CACNA1D: variants seen among roughly 807,000 people sequenced by gnomAD.
CACNA1D encodes calcium voltage-gated channel subunit alpha1 D.
A neutral mutation model predicts 257.1 loss-of-function variants in CACNA1D; 55 were observed. That is an observed-to-expected ratio of 0.21 (90% CI 0.17 to 0.27). The LOEUF (loss-of-function observed/expected upper bound fraction) is 0.27, where lower values mean the gene tolerates loss of function less well. Ranked by LOEUF, CACNA1D falls within the 10% of genes least tolerant of loss-of-function variation. The pLI is 1.00. For missense variants in CACNA1D, 1,876 were observed against 2,784.0 expected (o/e 0.67, Z 7.34); for synonymous variants, 980 against 1,014.9 (o/e 0.97, Z 0.65).
At chr3:53,517,002 C>G (rs540646235) in intron 3 of CACNA1D, among the ~76,000 whole-genome samples, 1 of 152,164 alleles carries the variant, frequency 6.6e-6, no homozygotes. Context: ...GCTTTGAGTC[C>G]CTGCTCTGTA....
chr3:53,593,725 C>T (rs1231079357), intron 3 of CACNA1D, among the ~76,000 whole-genome samples: 2 of 152,150 alleles, frequency 1.3e-5, no homozygotes, highest in Non-Finnish European at 1.5e-5. Context: ...CCAAGGCCAC[C>T]CAAGGAGCTG....
chr3:53,658,844 T>C (rs2094174513), intron 4 of CACNA1D, among the ~76,000 whole-genome samples: 1 of 152,218 alleles, frequency 6.6e-6, no homozygotes, highest in Non-Finnish European at 1.5e-5. Context: ...CCGGGCTTGT[T>C]TTCCCTCCTG....
rs2094190642 is a variant in CACNA1D, at chr3:53,660,287, T to C, written c.766+12T>C. 6 of 1,613,636 alleles carry C rather than the reference T, an allele frequency of 3.7e-6. No individual in the cohort carries two copies. The highest frequency in any genetic ancestry group is 1.7e-4 in the Middle Eastern group (1 of 6,016). ...GTCAGGAGTGCCCAGTAAGCACTTA[T>C]TGTTTCCTAGAGTCAGGAGTGTGCT... On this transcript the variant is annotated intron_variant, in intron 5 of 47. Transcript: ENST00000350061.
intron 3 of CACNA1D, among the ~76,000 whole-genome samples, chr3:53,543,304 T>C (rs1006367362): frequency 6.6e-6 from 1 of 152,190 alleles, no homozygotes; most frequent in Non-Finnish European, 1.5e-5. Flanking sequence ...TAAAGAGCAC[T>C]GTTTCTCATG....
At chr3:53,616,396 G>A (rs960843825) in intron 3 of CACNA1D, among the ~76,000 whole-genome samples, 1 of 152,122 alleles carries the variant, frequency 6.6e-6, no homozygotes, top group Non-Finnish European at 1.5e-5. Flanking sequence ...TGAGGAAGAG[G>A]TTGACATTCC....
At chr3:53,650,974 G>C (rs1219573414) in intron 4 of CACNA1D, 56 bp downstream of exon 4, 2 of 1,304,940 alleles carry the variant, frequency 1.5e-6, no homozygotes, top group Non-Finnish European at 2.2e-6. Context: ...GGTGGAGGTT[G>C]GGGGGGGTGG....
At chr3:53,510,790 T>G (rs1352192004) in intron 3 of CACNA1D, among the ~76,000 whole-genome samples, 1 of 152,118 alleles carries the variant, frequency 6.6e-6, no homozygotes, top group Non-Finnish European at 1.5e-5. Context: ...CTCTGGGATG[T>G]TAGTAGCATC....
At chr3:53,783,924 CCTCCA>C (rs1364777916) in intron 39 of CACNA1D, among the ~76,000 whole-genome samples, 2 of 152,360 alleles carry the variant, frequency 1.3e-5, no homozygotes, top group African/African-American at 4.8e-5. Flanking sequence ...GTAAGGCCAG[CCTCCA>C]CTCCAAGTGG....
rs138541174 is a variant in CACNA1D, at chr3:53,601,981, G to A, written c.484-48798G>A. Among the ~76,000 whole-genome samples, 520 of 152,296 alleles carry A rather than the reference G, an allele frequency of 3.4e-3. 7 individuals are homozygous for A. The highest frequency in any genetic ancestry group is 0.012 in the African/African-American group (499 of 41,562). ...CCGCCTCAGCCTCCCAAAGTGCTGGGATTACAGGCACGAGCCACCACACCC... is the reference window on the plus strand; with the variant it reads ...CCGCCTCAGCCTCCCAAAGTGCTGGAATTACAGGCACGAGCCACCACACCC... On this transcript the variant is annotated intron_variant, in intron 3 of 47. Transcript: ENST00000350061.
intron 38 of CACNA1D, among the ~76,000 whole-genome samples, chr3:53,780,929 A>C (rs1341296211): frequency 6.6e-6 from 1 of 152,188 alleles, no homozygotes; most frequent in Non-Finnish European, 1.5e-5. Context: ...ACAACCCTAG[A>C]GCCCAGGGAG....
At chr3:53,656,186 G>GTAT (rs1326121459) in intron 4 of CACNA1D, among the ~76,000 whole-genome samples, 1 of 152,108 alleles carries the variant, frequency 6.6e-6, no homozygotes, top group Non-Finnish European at 1.5e-5. Context: ...CTGCAGCCCT[G>GTAT]TATTATAATT....
intron 8 of CACNA1D, among the ~76,000 whole-genome samples, chr3:53,696,575 G>C (rs948542835): frequency 7.2e-5 from 11 of 152,216 alleles, no homozygotes; most frequent in African/African-American, 2.4e-4. Context: ...AATGAGTAGA[G>C]TTTTCTGGTG....
intron 5 of CACNA1D, 57 bp from the exon 6 acceptor site, chr3:53,665,603 A>G (rs2094253625): frequency 2.3e-6 from 3 of 1,324,736 alleles, no homozygotes; most frequent in Admixed American, 1.7e-5. Context: ...AATTATATAT[A>G]TGATTCATTG....
chr3:53,782,251 TG>T (rs2095429128), intron 39 of CACNA1D: 1 of 56,508 alleles, frequency 1.8e-5, no homozygotes, highest in African/African-American at 7.0e-5. Context: ...TGTGTGTGTG[TG>T]TGTGTGTGTG....
intron 3 of CACNA1D, among the ~76,000 whole-genome samples, chr3:53,605,078 C>G (rs1276260797): frequency 1.3e-5 from 2 of 152,118 alleles, no homozygotes; most frequent in African/African-American, 4.8e-5. Flanking sequence ...CTGAATCTAC[C>G]TAATTAAAAG....
At chr3:53,712,380 A>C (rs1412886093) in intron 9 of CACNA1D, among the ~76,000 whole-genome samples, 2 of 152,214 alleles carry the variant, frequency 1.3e-5, no homozygotes, top group Non-Finnish European at 1.5e-5. Flanking sequence ...GTCCCTGAAC[A>C]CGCGGAGATA....
At chr3:53,623,076 A>C (rs964220206) in intron 3 of CACNA1D, among the ~76,000 whole-genome samples, 2 of 152,200 alleles carry the variant, frequency 1.3e-5, no homozygotes, top group Non-Finnish European at 2.9e-5. Context: ...TATTTTTACT[A>C]GGGACGGGGT....
chr3:53,761,843 T>G (rs906512687), intron 29 of CACNA1D, among the ~76,000 whole-genome samples, 155 bp from the exon 30 acceptor site: 1 of 152,160 alleles, frequency 6.6e-6, no homozygotes, highest in Non-Finnish European at 1.5e-5. Flanking sequence ...TGTGCCCCTT[T>G]CCACCAGTGG....
chr3:53,496,050 TC>T (rs1368762582), intron 1 of CACNA1D, among the ~76,000 whole-genome samples: 2 of 152,192 alleles, frequency 1.3e-5, no homozygotes, highest in Non-Finnish European at 2.9e-5. Context: ...ACTCGACTCG[TC>T]CCCGCTCCGA....
Sources: gnomAD v4.1 joint callset for allele counts (sites outside exome capture counted in the v4.1 genomes callset) on GRCh38, gnomAD v4.1.1 for gene constraint, MANE v1.5 for transcripts, NCBI Gene and HGNC (gene_info 2026-07-23, HGNC 2026-07-21) for gene names.